Variants in GABPB1 observed in about 807,000 individuals in gnomAD.
The protein encoded by GABPB1 is GA-binding protein subunit beta-1.
GABPB1 carries 15 observed loss-of-function variants against 45.9 expected under a neutral mutation model. The observed-to-expected ratio is 0.33, with a 90% CI of 0.22 to 0.50. The LOEUF is 0.50. GABPB1 is among the 20% of genes least tolerant of loss of function. GABPB1 has a pLI of 0.98. For missense variants in GABPB1, 252 were observed against 457.5 expected, an observed-to-expected ratio of 0.55 and a Z score of 4.10; for synonymous variants, 143 against 154.4, an observed-to-expected ratio of 0.93 and a Z score of 0.55.
Position 50,300,894 on chromosome 15 carries a change from C to G in GABPB1, c.592G>C (p.Gly198Arg). 6.3e-7 allele frequency: 1 copy of G among 1,586,580 alleles called. No individual in the cohort carries two copies. The highest frequency in any genetic ancestry group is 8.7e-7 in the Non-Finnish European group (1 of 1,155,714). The change falls in exon 6 of 9, where the codon GGT becomes CGT. Residue 198 changes from glycine to arginine, a missense_variant. Gly to Arg is a moderately radical substitution (Grantham distance 125). Around this residue, in one of 4 missense-constraint regions of GABPB1, gnomAD observed 193 missense variants for 259.9 expected, o/e 0.74. Transcript: ENST00000380877. ...TTTCCAAACTGAACAGCAGATACAC[C>G]CGTTTCATCTGTAAGAAAAAAGAAA... ...GGVVNLTDETGVSAVQFGNSS... is the reference protein window; with the variant it reads ...GGVVNLTDETRVSAVQFGNSS...
intron 1 of GABPB1, among the ~76,000 whole-genome samples, chr15:50,342,491 A>C (rs957687424): frequency 7.2e-5 from 11 of 152,326 alleles, no homozygotes; most frequent in Admixed American, 1.3e-4. Flanking sequence ...TACACACAAA[A>C]ATTAAAGGCA....
chr15:50,282,335 G>A (rs1407436672), intron 8 of GABPB1: 1 of 454,010 alleles, frequency 2.2e-6, no homozygotes, highest in East Asian at 7.0e-5. Context: ...GAGGTGGGAG[G>A]ATCACTTGAG....
intron 1 of GABPB1, among the ~76,000 whole-genome samples, chr15:50,331,797 A>G (rs1412412369): frequency 6.6e-6 from 1 of 151,624 alleles, no homozygotes; most frequent in Non-Finnish European, 1.5e-5. Context: ...TTTACCTTTA[A>G]TTGCTATATA....
chr15:50,279,436 T>G (rs1465352812), intron 8 of GABPB1, among the ~76,000 whole-genome samples: 2 of 152,096 alleles, frequency 1.3e-5, no homozygotes, highest in Non-Finnish European at 2.9e-5. Context: ...ATTTCCTAAA[T>G]TATACTATTT....
intron 1 of GABPB1, among the ~76,000 whole-genome samples, chr15:50,345,710 A>AC (rs1567551036): frequency 6.6e-6 from 1 of 150,696 alleles, no homozygotes; most frequent in African/African-American, 2.4e-5. Flanking sequence ...ATGTCTGTAC[A>AC]TTTTTTTTTG....
chr15:50,348,350 A>T (rs2141182053), intron 1 of GABPB1, among the ~76,000 whole-genome samples: 1 of 152,154 alleles, frequency 6.6e-6, no homozygotes, highest in East Asian at 2.0e-4. Flanking sequence ...CGCCTCCCAG[A>T]CTAAAGGAAT....
Position 50,300,877 on chromosome 15 carries a change from C to T in GABPB1, c.609G>A (p.Gln203=). 6.2e-7 allele frequency: 1 copy of T among 1,609,870 alleles called. No homozygotes were observed. The highest frequency in any genetic ancestry group is 8.5e-7 in the Non-Finnish European group (1 of 1,176,418). The part of the protein sequence containing the change: ...LTDETGVSAV[Q]FGNSSTSVLA... ...ATACTGATGTAGAAGAGTTTCCAAA[C>T]TGAACAGCAGATACACCCGTTTCAT... Residue 203 remains glutamine, a synonymous_variant, in exon 6 of 9, where the codon CAG becomes CAA. Transcript: ENST00000380877.
chr15:50,293,898 A>G (rs950092331), intron 6 of GABPB1, among the ~76,000 whole-genome samples: 42 of 152,204 alleles, frequency 2.8e-4, no homozygotes, highest in African/African-American at 8.7e-4. Context: ...ACAATCTAAC[A>G]GTAAAATGTT....
chr15:50,345,432 T>C (rs988692468), intron 1 of GABPB1, among the ~76,000 whole-genome samples: 8 of 152,254 alleles, frequency 5.3e-5, no homozygotes, highest in African/African-American at 1.7e-4. Context: ...CCAGGCATGG[T>C]GACACATGCG....
At chr15:50,334,055 AAAAG>A (rs1279764091) in intron 1 of GABPB1, among the ~76,000 whole-genome samples, 1 of 151,952 alleles carries the variant, frequency 6.6e-6, no homozygotes, top group Non-Finnish European at 1.5e-5. Flanking sequence ...GAAAAAGAAA[AAAAG>A]AAAAGAAAAG....
intron 6 of GABPB1, among the ~76,000 whole-genome samples, chr15:50,299,626 T>C (rs1196964984): frequency 6.6e-6 from 1 of 152,116 alleles, no homozygotes; most frequent in Non-Finnish European, 1.5e-5. Context: ...CTCGAACTCC[T>C]GACCTCAGGT....
At chr15:50,293,685 T>TA (rs2046421237) in intron 6 of GABPB1, among the ~76,000 whole-genome samples, 1 of 152,212 alleles carries the variant, frequency 6.6e-6, no homozygotes, top group Admixed American at 6.5e-5. Flanking sequence ...TAATCATATG[T>TA]AAGAAATTTC....
intron 2 of GABPB1, among the ~76,000 whole-genome samples, chr15:50,306,873 T>C (rs978056763): frequency 2.0e-5 from 3 of 152,056 alleles, no homozygotes; most frequent in Non-Finnish European, 2.9e-5. Context: ...AGATTCACCA[T>C]GTTAATAACT....
intron 1 of GABPB1, among the ~76,000 whole-genome samples, chr15:50,323,680 A>G (rs905211638): frequency 6.6e-5 from 10 of 152,038 alleles, no homozygotes; most frequent in African/African-American, 2.4e-4. Context: ...GGCAACACAC[A>G]GAGAGATAGC....
chr15:50,285,215 T>G (rs1373201966), intron 8 of GABPB1, among the ~76,000 whole-genome samples: 3 of 152,184 alleles, frequency 2.0e-5, no homozygotes, highest in Admixed American at 1.3e-4. Flanking sequence ...TGCTGACTTT[T>G]TCAATTCTCA....
chr15:50,332,126 C>T (rs545490355), intron 1 of GABPB1, among the ~76,000 whole-genome samples: 2 of 152,058 alleles, frequency 1.3e-5, no homozygotes, highest in South Asian at 4.1e-4. Flanking sequence ...CCACCTGCCT[C>T]GGCCTCCCAA....
intron 4 of GABPB1, among the ~76,000 whole-genome samples, chr15:50,301,655 AG>A (rs1309601658): frequency 1.3e-5 from 2 of 152,092 alleles, no homozygotes; most frequent in African/African-American, 4.8e-5. Flanking sequence ...AAGCTGGCTG[AG>A]GTGGCAGGTG....
intron 1 of GABPB1, among the ~76,000 whole-genome samples, chr15:50,342,324 CT>C (rs71124343): frequency 0.2 from 29,299 of 146,902 alleles, 3,043 homozygotes; most frequent in African/African-American, 0.25. Context: ...GGATTGATCT[CT>C]TTTTTTTTTT....
At chr15:50,303,923 C>G in intron 3 of GABPB1, 43 bp downstream of exon 3, 1 of 1,463,858 alleles carries the variant, frequency 6.8e-7, no homozygotes, top group South Asian at 1.4e-5. Context: ...CTTATAAAAC[C>G]GTAAAGTATT....
Sources: gnomAD v4.1 joint callset for allele counts (sites outside exome capture counted in the v4.1 genomes callset) on GRCh38, gnomAD v4.1.1 for gene constraint, gnomAD v4.1.1 regional missense constraint, MANE v1.5 for transcripts, NCBI Gene and HGNC (gene_info 2026-07-23, HGNC 2026-07-21) for gene names.